The following FYN variants were observed in gnomAD, a reference collection of about 807,000 sequenced individuals.
FYN encodes the protein tyrosine-protein kinase Fyn.
A neutral mutation model predicts 70.2 loss-of-function variants in FYN; 10 were observed. The observed-to-expected ratio is 0.14, with a 90% CI of 0.09 to 0.24. The LOEUF is 0.24. FYN is among the 10% of genes least tolerant of loss of function. The pLI is 1.00. For missense variants in FYN, 319 were observed against 673.1 expected (o/e 0.47, Z 5.82); for synonymous variants, 236 against 248.6 (o/e 0.95, Z 0.48).
intron 2 of FYN, among the ~76,000 whole-genome samples, chr6:111,807,933 C>T (rs1479132632): frequency 6.6e-6 from 1 of 151,994 alleles, no homozygotes; most frequent in Non-Finnish European, 1.5e-5. Flanking sequence ...CATAGTGAAA[C>T]CCCATCTCTA....
At chr6:111,759,978 C>G (rs1192439450) in intron 3 of FYN, 1 of 151,678 alleles carries the variant, frequency 6.6e-6, no homozygotes, top group Non-Finnish European at 1.5e-5. Context: ...AGACTGAGTA[C>G]AGCCTTCATT....
chr6:111,794,682 C>T (rs1385538408), intron 2 of FYN, among the ~76,000 whole-genome samples: 1 of 152,116 alleles, frequency 6.6e-6, no homozygotes, highest in Non-Finnish European at 1.5e-5. Flanking sequence ...TCTCAGTGCC[C>T]GTAAGTAAAG....
At chr6:111,854,862 A>C (rs183211427) in intron 1 of FYN, among the ~76,000 whole-genome samples, 134 of 152,368 alleles carry the variant, frequency 8.8e-4, no homozygotes, top group Non-Finnish European at 1.4e-3. Context: ...ACAAGTCACA[A>C]ATCTGCTAAA....
At chr6:111,754,966 CTG>C (rs1292187128) in intron 3 of FYN, among the ~76,000 whole-genome samples, 4 of 122,548 alleles carry the variant, frequency 3.3e-5, no homozygotes, top group African/African-American at 1.2e-4. Context: ...AAAATTTAAG[CTG>C]TTTTTTTTTT....
intron 3 of FYN, among the ~76,000 whole-genome samples, chr6:111,759,436 G>A (rs996889731): frequency 2.6e-5 from 4 of 152,124 alleles, no homozygotes; most frequent in African/African-American, 9.7e-5. Context: ...ACTCTTCTCA[G>A]CTCATAAACA....
rs560108853 is a variant in FYN at position 111,803,298 on chromosome 6, A to G, written c.-81-22663T>C. On this transcript the variant is annotated intron_variant, in intron 2 of 13. Transcript: ENST00000354650. ...CAATCACTTCAAATATTTGGGCTTC[A>G]TTATAACCTTTTTTTCTCTCCCAAA... Among the ~76,000 whole-genome samples the G allele has an allele frequency of 2.6e-5, 4 of 152,334 alleles. No homozygotes were observed. In the South Asian group the frequency reaches 8.3e-4, roughly 32 times the overall value.
chr6:111,758,016 A>C (rs1802819456), intron 3 of FYN, among the ~76,000 whole-genome samples: 1 of 152,224 alleles, frequency 6.6e-6, no homozygotes, highest in African/African-American at 2.4e-5. Context: ...ATTCACGTGG[A>C]TCTTGCTGGA....
intron 2 of FYN, among the ~76,000 whole-genome samples, chr6:111,793,025 A>G (rs1286253502): frequency 2.0e-5 from 3 of 152,220 alleles, no homozygotes; most frequent in African/African-American, 7.2e-5. Context: ...TTCTGCATGA[A>G]TGCTACATTT....
At chr6:111,673,619 A>ATCGT (rs1554272175) in intron 13 of FYN, among the ~76,000 whole-genome samples, 2 of 65,010 alleles carry the variant, frequency 3.1e-5, no homozygotes, top group Non-Finnish European at 3.2e-5. Context: ...CGTTTCTATC[A>ATCGT]TTGTTTTTTT....
At chr6:111,704,894 C>T (rs983150336) in intron 6 of FYN, among the ~76,000 whole-genome samples, 13 of 151,684 alleles carry the variant, frequency 8.6e-5, no homozygotes, top group Non-Finnish European at 1.9e-4. Flanking sequence ...AACCCCATCT[C>T]CACTAAAAAT....
At chr6:111,700,806 T>C (rs888035392) in intron 8 of FYN, among the ~76,000 whole-genome samples, 3 of 152,206 alleles carry the variant, frequency 2.0e-5, no homozygotes, top group Non-Finnish European at 4.4e-5. Flanking sequence ...CTTAAAATTA[T>C]AACTTTAGTG....
rs572734720 is a variant in FYN, at chr6:111,804,600, C to G, written c.-81-23965G>C. Among the ~76,000 whole-genome samples, 34 of 152,282 alleles carry G rather than the reference C, an allele frequency of 2.2e-4. 2 individuals are homozygous for G. In the South Asian group the frequency reaches 7.0e-3, roughly 32 times the overall value. On this transcript the variant is annotated intron_variant, in intron 2 of 13. Transcript: ENST00000354650. Reference sequence around the variant, plus strand: ...CGTCCAATGCAATAAATGGCACAACCTGAATTTTTGGTCCCTAGTCTTTGT... The same window carrying G: ...CGTCCAATGCAATAAATGGCACAACGTGAATTTTTGGTCCCTAGTCTTTGT...
At chr6:111,751,979 A>G (rs1802509430) in intron 3 of FYN, among the ~76,000 whole-genome samples, 1 of 152,160 alleles carries the variant, frequency 6.6e-6, no homozygotes, top group Admixed American at 6.5e-5. Flanking sequence ...TTTTTCTCAG[A>G]TTTATATTCC....
rs1799738008 is a variant in FYN, at chr6:111,699,576, T to C, written c.862+528A>G. 3 of 1,614,160 alleles carry C rather than the reference T, an allele frequency of 1.9e-6. No homozygotes were observed. In the East Asian group the frequency reaches 6.7e-5, roughly 36 times the overall value. ...TCTTCTCCAGACACAACGAACGACGTGCAACTTCCCAAGCATCTTTAGCCA... is the reference window on the plus strand; with the variant it reads ...TCTTCTCCAGACACAACGAACGACGCGCAACTTCCCAAGCATCTTTAGCCA... On this transcript the variant is annotated intron_variant, in intron 9 of 13. Coordinates refer to ENST00000354650, the MANE Select transcript of FYN (RefSeq NM_002037.5).
chr6:111,781,929 ACT>A (rs1308159029), intron 2 of FYN, among the ~76,000 whole-genome samples: 3 of 152,228 alleles, frequency 2.0e-5, no homozygotes, highest in African/African-American at 7.2e-5. Flanking sequence ...AATATCTATA[ACT>A]ATGAAAATAT....
chr6:111,841,935 C>T (rs1218522325), intron 2 of FYN, among the ~76,000 whole-genome samples: 1 of 152,182 alleles, frequency 6.6e-6, no homozygotes, highest in Admixed American at 6.5e-5. Context: ...CCAAGACTAA[C>T]AATGATTGCC....
chr6:111,722,617 C>T (rs1221986680), intron 3 of FYN, among the ~76,000 whole-genome samples: 1 of 152,164 alleles, frequency 6.6e-6, no homozygotes, highest in Non-Finnish European at 1.5e-5. Context: ...TCACTTACAG[C>T]AGTGGTTCTC....
At chr6:111,857,283 GAAAGGCTTGA>G (rs1226255380) in intron 1 of FYN, among the ~76,000 whole-genome samples, 2 of 152,160 alleles carry the variant, frequency 1.3e-5, no homozygotes, top group Non-Finnish European at 2.9e-5. Context: ...ATTCATTAGA[GAAAGGCTTGA>G]AATTCTAATA....
intron 12 of FYN, among the ~76,000 whole-genome samples, chr6:111,679,386 A>T (rs1798688178): frequency 6.6e-6 from 1 of 152,178 alleles, no homozygotes; most frequent in Non-Finnish European, 1.5e-5. Flanking sequence ...AAGGGCAATG[A>T]ATGCATGAAT....
Sources: allele counts gnomAD v4.1 joint callset (sites outside exome capture counted in the v4.1 genomes callset), GRCh38; gene constraint gnomAD v4.1.1; transcripts MANE v1.5; gene names NCBI Gene and HGNC (gene_info 2026-07-23, HGNC 2026-07-21).